GNG7: variants seen among roughly 807,000 people sequenced by gnomAD.
The protein encoded by GNG7 is G protein subunit gamma 7, also known as guanine nucleotide-binding protein G(I)/G(S)/G(O) subunit gamma-7.
GNG7 carries 1 observed loss-of-function variant against 4.0 expected under a neutral mutation model. That is an observed-to-expected ratio of 0.25 (90% CI 0.09 to 1.18). The LOEUF (loss-of-function observed/expected upper bound fraction) is 1.18. GNG7 is among the 50% of genes most tolerant of loss of function. GNG7 has a pLI of 0.50. For synonymous variants in GNG7, 34 were observed against 36.9 expected (o/e 0.92, Z 0.29); for missense variants, 86 against 91.9 (o/e 0.94, Z 0.26).
chr19:2,512,388 C>T lies in GNG7; in HGVS notation c.*2634G>A, dbSNP rs1385168987. On this transcript the variant is annotated 3_prime_UTR_variant, in exon 5 of 5. Coordinates refer to ENST00000382159, the MANE Select transcript of GNG7 (RefSeq NM_052847.3). The surrounding 1 kb of genome is among the most constrained non-coding windows in gnomAD (Gnocchi z 4.7). ...AGTGGAGAATTTTTTTTTTAATCCC[C>T]CAAGCTAGAAAGAAACCCACAGGCT... The T allele has an allele frequency of 5.1e-6, 5 of 984,550 alleles. No individual in the cohort carries two copies. Among genetic ancestry groups the T allele is most frequent in the Non-Finnish European group, 4.8e-6 (4 of 829,298 alleles). The allele number at this position is 984,550 out of a possible 1,614,324, so 61.0% of individuals were successfully genotyped here. A position where few individuals can be genotyped will look rare whatever the true frequency, so the allele number is the denominator to read the frequency against.
intron 1 of GNG7, among the ~76,000 whole-genome samples, chr19:2,702,092 C>A: frequency 6.6e-6 from 1 of 150,674 alleles, no homozygotes; most frequent in East Asian, 2.0e-4. Flanking sequence ...CCTCCAATCC[C>A]GCTCCAAGCT....
chr19:2,651,184 C>T (rs1420067349), intron 1 of GNG7, among the ~76,000 whole-genome samples: 1 of 152,126 alleles, frequency 6.6e-6, no homozygotes, highest in Non-Finnish European at 1.5e-5. Flanking sequence ...CCGGCCCTCC[C>T]CACTGTGTCC....
intron 3 of GNG7, among the ~76,000 whole-genome samples, chr19:2,530,066 A>T (rs139384446): frequency 6.6e-6 from 1 of 152,228 alleles, no homozygotes; most frequent in African/African-American, 2.4e-5. Flanking sequence ...GGCTTGCACA[A>T]TGGTGGATTA....
At chr19:2,685,806 G>A (rs903648935) in intron 1 of GNG7, among the ~76,000 whole-genome samples, 5 of 152,224 alleles carry the variant, frequency 3.3e-5, no homozygotes, top group African/African-American at 9.6e-5. Context: ...GGTGGGCAGG[G>A]GACGGCCTTG....
chr19:2,686,720 G>T (rs1983880667), intron 1 of GNG7, among the ~76,000 whole-genome samples: 1 of 152,004 alleles, frequency 6.6e-6, no homozygotes, highest in Non-Finnish European at 1.5e-5. Flanking sequence ...TGTAGGGTGG[G>T]GTCAAAAGAG....
At chr19:2,677,084 C>T (rs536042121) in intron 1 of GNG7, among the ~76,000 whole-genome samples, 6 of 152,212 alleles carry the variant, frequency 3.9e-5, no homozygotes, top group African/African-American at 1.4e-4. Context: ...AGAGGAAAAA[C>T]GGCCGCTTAA....
intron 4 of GNG7, 30 bp from the exon 5 acceptor site, chr19:2,515,177 G>A (rs562927550): frequency 7.4e-6 from 12 of 1,612,370 alleles, no homozygotes; most frequent in Non-Finnish European, 1.0e-5. Context: ...GGAGACAGAG[G>A]AGACATAAGA....
At position 2,614,223 on chromosome 19, in the gene GNG7, A is replaced by G. The variant is rs1186715308; in HGVS notation, c.-78+32001T>C. On this transcript the variant is annotated intron_variant, in intron 2 of 4. Transcript: ENST00000382159. This position sits in a 1 kb window ranked among gnomAD's most constrained non-coding sequence, Gnocchi z 6.0. The stretch of plus-strand genomic sequence containing the variant: ...GCTACAGCCTGAGCATGGTCGCCAG[A>G]AAGCAGGTGCGGCGACTTTCCCTAG... Among the ~76,000 whole-genome samples, 1 of 152,152 alleles carries G rather than the reference A, an allele frequency of 6.6e-6. No homozygotes were observed. Among genetic ancestry groups the G allele is most frequent in the Non-Finnish European group, 1.5e-5 (1 of 68,010 alleles).
chr19:2,532,076 G>A (rs976312852), intron 3 of GNG7, among the ~76,000 whole-genome samples: 7 of 151,802 alleles, frequency 4.6e-5, no homozygotes, highest in Admixed American at 6.6e-5. Flanking sequence ...GCATGAACCC[G>A]GGAGGCGGAG....
intron 1 of GNG7, among the ~76,000 whole-genome samples, chr19:2,669,660 G>A (rs1362352115): frequency 2.0e-5 from 3 of 152,094 alleles, no homozygotes; most frequent in East Asian, 1.9e-4. Context: ...TGCCTGCAAC[G>A]GAGAGCGCCT....
At chr19:2,640,152 C>T (rs1385149959) in intron 2 of GNG7, among the ~76,000 whole-genome samples, 43 of 88,942 alleles carry the variant, frequency 4.8e-4, no homozygotes, top group African/African-American at 1.8e-3. Flanking sequence ...GGGAAGGAAG[C>T]GGCAGAGGGA....
At chr19:2,672,510 G>A (rs923497276) in intron 1 of GNG7, among the ~76,000 whole-genome samples, 11 of 147,852 alleles carry the variant, frequency 7.4e-5, no homozygotes, top group Non-Finnish European at 1.6e-4. Flanking sequence ...GCAGTGGTGC[G>A]ATCTCAGCTC....
chr19:2,583,118 A>T (rs956479577), intron 2 of GNG7, among the ~76,000 whole-genome samples: 12 of 150,282 alleles, frequency 8.0e-5, no homozygotes, highest in Non-Finnish European at 1.6e-4. Flanking sequence ...ACTGGCAAGT[A>T]TTTTTTTTTT....
At chr19:2,690,180 G>A (rs1372025002) in intron 1 of GNG7, among the ~76,000 whole-genome samples, 2 of 151,844 alleles carry the variant, frequency 1.3e-5, no homozygotes, top group African/African-American at 2.4e-5. Flanking sequence ...TCAGGAGTTC[G>A]AGACCAGCCT....
chr19:2,553,763 A>AT (rs1225473849), intron 3 of GNG7, among the ~76,000 whole-genome samples: 9 of 148,322 alleles, frequency 6.1e-5, no homozygotes, highest in African/African-American at 2.2e-4. Context: ...ATATGCACAT[A>AT]TTGCATGTAA....
chr19:2,635,121 C>A (rs996544315), intron 2 of GNG7, among the ~76,000 whole-genome samples: 1 of 152,232 alleles, frequency 6.6e-6, no homozygotes, highest in African/African-American at 2.4e-5. Flanking sequence ...CCCGGGCCTC[C>A]ACCCACTCCA....
At position 2,557,314 on chromosome 19, in the gene GNG7, GAC is replaced by G. The variant is rs4065038; in HGVS notation, c.-77-2128_-77-2127del. Among the ~76,000 whole-genome samples, 41,153 of 142,908 alleles carry G rather than the reference GAC, an allele frequency of 0.29. 5,782 individuals are homozygous for G. The highest frequency in any genetic ancestry group is 0.39 in the African/African-American group (15,103 of 39,206). 93.8% of individuals were successfully genotyped at this position (142,908 alleles called of 152,430 possible). On this transcript the variant is annotated intron_variant, in intron 2 of 4. Transcript: ENST00000382159. This position sits in a 1 kb window ranked among gnomAD's most constrained non-coding sequence, Gnocchi z 5.1. ...ACACAGAGGTGCACATACACGCACA[GAC>G]ACACATGTGCACACAGACACACACA...
At chr19:2,651,555 T>TTCTC (rs1023952463) in intron 1 of GNG7, among the ~76,000 whole-genome samples, 1 of 140,804 alleles carries the variant, frequency 7.1e-6, no homozygotes, top group East Asian at 2.1e-4. Context: ...CTCTCTCCCT[T>TTCTC]TCTCTCTCTC....
intron 2 of GNG7, among the ~76,000 whole-genome samples, chr19:2,575,462 G>GACACGCAGGC: frequency 6.6e-6 from 1 of 152,196 alleles, no homozygotes; most frequent in South Asian, 2.1e-4. Flanking sequence ...AGGGCGTGTG[G>GACACGCAGGC]ACACGCAGGC....
Sources: gnomAD v4.1 joint callset for allele counts (sites outside exome capture counted in the v4.1 genomes callset) on GRCh38, gnomAD v4.1.1 for gene constraint, Gnocchi (gnomAD v3.1) non-coding constraint, MANE v1.5 for transcripts, NCBI Gene and HGNC (gene_info 2026-07-23, HGNC 2026-07-21) for gene names.